Variants in TMTC2 observed in about 807,000 individuals in gnomAD.
TMTC2 encodes the protein protein O-mannosyl-transferase TMTC2.
A neutral mutation model predicts 82.4 loss-of-function variants in TMTC2; 43 were observed. That is an observed-to-expected ratio of 0.52 (90% CI 0.41 to 0.67). The LOEUF (loss-of-function observed/expected upper bound fraction) is 0.67, where lower values mean the gene tolerates loss of function less well. Ranked by LOEUF, TMTC2 falls within the 30% of genes least tolerant of loss-of-function variation. The pLI, the probability that TMTC2 is intolerant of heterozygous loss-of-function variation, is 0.00. For synonymous variants in TMTC2, 408 were observed against 381.9 expected (o/e 1.07, Z -0.80); for missense variants, 919 against 1,012.4 (o/e 0.91, Z 1.25).
chr12:82,835,692 A>G (rs1203554060), intron 1 of TMTC2, among the ~76,000 whole-genome samples: 1 of 152,150 alleles, frequency 6.6e-6, no homozygotes, highest in Non-Finnish European at 1.5e-5. Flanking sequence ...CATACTCCCT[A>G]TGGAAATTAT....
At chr12:82,776,911 C>T (rs1877631592) in intron 1 of TMTC2, among the ~76,000 whole-genome samples, 1 of 152,146 alleles carries the variant, frequency 6.6e-6, no homozygotes, top group Non-Finnish European at 1.5e-5. Flanking sequence ...CTACTCCAAC[C>T]TGGGTGACAC....
At chr12:83,026,095 G>A (rs1316176997) in intron 8 of TMTC2, among the ~76,000 whole-genome samples, 1 of 152,152 alleles carries the variant, frequency 6.6e-6, no homozygotes, top group Non-Finnish European at 1.5e-5. Flanking sequence ...AAGGGGTGGA[G>A]CTGAAAATTC....
chr12:82,938,226 A>G (rs1445355975), intron 4 of TMTC2, among the ~76,000 whole-genome samples: 4 of 151,886 alleles, frequency 2.6e-5, no homozygotes, highest in African/African-American at 7.3e-5. Flanking sequence ...TTTAGATTCA[A>G]TCCTAATAAG....
chr12:82,909,138 A>AT (rs1351572154), intron 3 of TMTC2, among the ~76,000 whole-genome samples: 2 of 152,018 alleles, frequency 1.3e-5, no homozygotes, highest in African/African-American at 4.8e-5. Flanking sequence ...AGTTTTTTAA[A>AT]TTTTTTTGTT....
chr12:83,083,331 C>G (rs932357987), intron 11 of TMTC2, among the ~76,000 whole-genome samples: 1 of 152,120 alleles, frequency 6.6e-6, no homozygotes, highest in African/African-American at 2.4e-5. Flanking sequence ...TCTAAAATTG[C>G]CATGCTTTTT....
chr12:82,886,126 C>T (rs181690611), intron 2 of TMTC2, among the ~76,000 whole-genome samples: 5 of 152,100 alleles, frequency 3.3e-5, no homozygotes, highest in Admixed American at 2.6e-4. Context: ...CCATTGGGAG[C>T]TCTTTAAGTG....
intron 11 of TMTC2, among the ~76,000 whole-genome samples, chr12:83,078,479 C>T (rs11115567): frequency 0.043 from 6,530 of 152,092 alleles, 210 homozygotes; most frequent in Middle Eastern, 0.068. Context: ...AGAAGACTGA[C>T]ATCATCAAGA....
chr12:82,695,734 G>T (rs1398866139), intron 1 of TMTC2, among the ~76,000 whole-genome samples: 2 of 152,282 alleles, frequency 1.3e-5, no homozygotes, highest in African/African-American at 4.8e-5. Flanking sequence ...TCTGCGGGGG[G>T]TGCTTTAGGT....
intron 1 of TMTC2, among the ~76,000 whole-genome samples, chr12:82,746,117 T>C (rs1431044327): frequency 6.6e-6 from 1 of 152,222 alleles, no homozygotes; most frequent in East Asian, 1.9e-4. Context: ...TCATTTGTCT[T>C]AGAATTATTC....
At chr12:82,779,384 C>T (rs994277466) in intron 1 of TMTC2, among the ~76,000 whole-genome samples, 8 of 151,934 alleles carry the variant, frequency 5.3e-5, no homozygotes, top group Admixed American at 3.3e-4. Context: ...ATGTTTCATG[C>T]GATAAGCCTT....
chr12:83,035,388 G>A lies in TMTC2; in HGVS notation c.2152+4509G>A, dbSNP rs143399041. 2.0e-4 allele frequency among the ~76,000 whole-genome samples: 30 copies of A among 152,234 alleles called. No individual in the cohort carries two copies. The East Asian group carries it at 5.8e-3, about 29-fold the overall frequency. On this transcript the variant is annotated intron_variant, in intron 9 of 11. Coordinates refer to ENST00000321196, the MANE Select transcript of TMTC2 (RefSeq NM_152588.3). ...CAGTTAGTTCAGTCAGTTGGTTAAAGGTTGTGCTGTGTGGTACCTATAGTC... is the reference window on the plus strand; with the variant it reads ...CAGTTAGTTCAGTCAGTTGGTTAAAAGTTGTGCTGTGTGGTACCTATAGTC...
intron 4 of TMTC2, among the ~76,000 whole-genome samples, chr12:82,954,752 G>A (rs962066998): frequency 3.3e-5 from 5 of 152,098 alleles, no homozygotes; most frequent in Non-Finnish European, 7.4e-5. Context: ...AGAGGCGAAA[G>A]GCCACTTTAC....
intron 8 of TMTC2, among the ~76,000 whole-genome samples, chr12:82,990,896 G>A (rs533936158): frequency 1.3e-5 from 2 of 152,080 alleles, no homozygotes; most frequent in Non-Finnish European, 2.9e-5. Flanking sequence ...GCTAGGTATT[G>A]CTTTAATCCT....
At chr12:83,100,050 G>T (rs2137531976) in intron 11 of TMTC2, among the ~76,000 whole-genome samples, 1 of 152,084 alleles carries the variant, frequency 6.6e-6, no homozygotes, top group African/African-American at 2.4e-5. Context: ...CTCCCGAGTA[G>T]CTGGGATTCC....
intron 1 of TMTC2, among the ~76,000 whole-genome samples, chr12:82,770,272 A>G (rs1193896003): frequency 6.6e-6 from 1 of 152,170 alleles, no homozygotes; most frequent in Non-Finnish European, 1.5e-5. Flanking sequence ...TCATAGACAT[A>G]TGCATTTGAT....
At chr12:82,952,961 A>G (rs933079709) in intron 4 of TMTC2, among the ~76,000 whole-genome samples, 2 of 152,204 alleles carry the variant, frequency 1.3e-5, no homozygotes, top group East Asian at 1.9e-4. Flanking sequence ...GAAACCCAAA[A>G]TAACAGTAGC....
At chr12:82,798,107 C>T (rs1181275512) in intron 1 of TMTC2, among the ~76,000 whole-genome samples, 2 of 150,730 alleles carry the variant, frequency 1.3e-5, no homozygotes, top group Non-Finnish European at 3.0e-5. Context: ...AAGCACCTGC[C>T]AGGACGCCCG....
intron 1 of TMTC2, among the ~76,000 whole-genome samples, chr12:82,765,469 G>C (rs1331934306): frequency 6.6e-6 from 1 of 152,086 alleles, no homozygotes; most frequent in African/African-American, 2.4e-5. Flanking sequence ...GAGGTTGGGA[G>C]TTTGAGACCA....
intron 1 of TMTC2, among the ~76,000 whole-genome samples, chr12:82,802,746 A>G (rs942326087): frequency 6.6e-6 from 1 of 152,136 alleles, no homozygotes; most frequent in Non-Finnish European, 1.5e-5. Context: ...AAAGACAGGA[A>G]AAGAACTGGT....
Sources: gnomAD v4.1 joint callset for allele counts (sites outside exome capture counted in the v4.1 genomes callset) on GRCh38, gnomAD v4.1.1 for gene constraint, MANE v1.5 for transcripts, NCBI Gene and HGNC (gene_info 2026-07-23, HGNC 2026-07-21) for gene names.